Variants in VPS52 observed in about 807,000 individuals in gnomAD.
The protein encoded by VPS52 is VPS52 subunit of GARP complex, also known as vacuolar protein sorting-associated protein 52 homolog.
Under a neutral mutation model 98.7 loss-of-function variants are expected in VPS52, and 56 were observed. That is an observed-to-expected ratio of 0.57 (90% CI 0.46 to 0.71). VPS52 has a LOEUF of 0.71. Ranked by LOEUF, VPS52 falls within the 30% of genes least tolerant of loss-of-function variation. The pLI is 0.00. For missense variants in VPS52, 742 were observed against 925.9 expected (o/e 0.80, Z 2.58); for synonymous variants, 348 against 346.4 (o/e 1.00, Z -0.05).
At chr6:33,259,610 A>G (rs570878294) in intron 17 of VPS52, among the ~76,000 whole-genome samples, 1 of 152,296 alleles carries the variant, frequency 6.6e-6, no homozygotes, top group South Asian at 2.1e-4. Flanking sequence ...GAGTATCAAC[A>G]TGATGCTCAA....
chr6:33,251,413 T>C, intron 19 of VPS52, 105 bp downstream of exon 19: 1 of 766,298 alleles, frequency 1.3e-6, no homozygotes, highest in South Asian at 1.7e-5. Context: ...GCACAGCTAG[T>C]AACTGAAGAC....
chr6:33,266,139 C>T (rs796519491), intron 12 of VPS52, among the ~76,000 whole-genome samples: 66 of 149,318 alleles, frequency 4.4e-4, no homozygotes, highest in African/African-American at 1.5e-3. Flanking sequence ...GGATTACAGG[C>T]GTAAGCCACT....
intron 17 of VPS52, among the ~76,000 whole-genome samples, chr6:33,255,794 TA>T (rs35038222): frequency 0.12 from 12,208 of 97,940 alleles, 651 homozygotes; most frequent in South Asian, 0.21. Context: ...AGACTCTGTC[TA>T]AAAAAAAAAA....
rs1316767971 is a variant in VPS52 at position 33,250,782 on chromosome 6, G to A, written c.*59C>T. 2.8e-5 allele frequency: 44 copies of A among 1,582,956 alleles called. No homozygotes were observed. Among genetic ancestry groups the A allele is most frequent in the Non-Finnish European group, 3.8e-5 (44 of 1,161,708 alleles). On this transcript the variant is annotated 3_prime_UTR_variant, in exon 20 of 20. Transcript: ENST00000445902. ...GGTACCCCAGGTGAAGAAGGGTATGGAATGGGGTGCAGAAGTCCATGGAGA... is the reference window on the plus strand; with the variant it reads ...GGTACCCCAGGTGAAGAAGGGTATGAAATGGGGTGCAGAAGTCCATGGAGA...
Position 33,264,357 on chromosome 6 carries a change from C to T in VPS52, c.1524+17G>A. On this transcript the variant is annotated intron_variant, in intron 14 of 19. Transcript: ENST00000445902. ...CCTGCCTTTCAAGAACCCTTTGTTACCCTTGCCCTCCCTCACATAGTGGGG... is the reference window on the plus strand; with the variant it reads ...CCTGCCTTTCAAGAACCCTTTGTTATCCTTGCCCTCCCTCACATAGTGGGG... 2 of 1,613,298 alleles carry T rather than the reference C, an allele frequency of 1.2e-6. No homozygotes were observed. The highest frequency in any genetic ancestry group is 8.5e-7 in the Non-Finnish European group (1 of 1,179,576).
chr6:33,261,051 C>T (rs965120223), intron 17 of VPS52, among the ~76,000 whole-genome samples: 2 of 151,688 alleles, frequency 1.3e-5, no homozygotes, highest in Non-Finnish European at 2.9e-5. Context: ...TAATTCAAGA[C>T]CAGCCCAGGC....
At chr6:33,252,195 A>G (rs781526766) in intron 17 of VPS52, among the ~76,000 whole-genome samples, 1 of 152,230 alleles carries the variant, frequency 6.6e-6, no homozygotes, top group Non-Finnish European at 1.5e-5. Flanking sequence ...GACACAAAAG[A>G]AGGGCAGCTA....
chr6:33,253,445 G>A (rs1188110624), intron 17 of VPS52, among the ~76,000 whole-genome samples: 5 of 150,756 alleles, frequency 3.3e-5, no homozygotes, highest in East Asian at 1.9e-4. Context: ...TGCCAAGATC[G>A]GGCCATTGCA....
chr6:33,267,161 G>C lies in VPS52; in HGVS notation c.1125+27C>G. Reference sequence around the variant, plus strand: ...CCCCACCGTGCTCAGAGCCTCTTTCGTGACTGAAGCTTGTTCCTCCTCATA... The same window carrying C: ...CCCCACCGTGCTCAGAGCCTCTTTCCTGACTGAAGCTTGTTCCTCCTCATA... On this transcript the variant is annotated intron_variant, in intron 11 of 19. Transcript: ENST00000445902. This position sits in a 1 kb window ranked among gnomAD's most constrained non-coding sequence, Gnocchi z 4.2. 2 of 1,464,096 alleles carry C rather than the reference G, an allele frequency of 1.4e-6. No individual in the cohort carries two copies. The highest frequency in any genetic ancestry group is 1.8e-6 in the Non-Finnish European group (2 of 1,105,816). The allele number at this position is 1,464,096 out of a possible 1,614,324, so 90.7% of individuals were successfully genotyped here.
chr6:33,269,453 G>T, intron 5 of VPS52, 37 bp downstream of exon 5: 1 of 1,611,968 alleles, frequency 6.2e-7, no homozygotes, highest in South Asian at 1.1e-5. Flanking sequence ...ATCTGGTTCA[G>T]AGTAGCTATT....
rs377264495 is a variant in VPS52, at chr6:33,267,200, G to A, written c.1113C>T (p.Arg371=). 76 of 1,556,444 alleles carry A rather than the reference G, an allele frequency of 4.9e-5. 7 individuals carry two copies. The highest frequency in any genetic ancestry group is 1.6e-4 in the East Asian group (7 of 43,454). Residue 371 remains arginine, a synonymous_variant, in exon 11 of 20, where the codon CGC becomes CGT. Coordinates refer to ENST00000445902, the MANE Select transcript of VPS52 (RefSeq NM_022553.6). The surrounding 1 kb of genome is among the most constrained non-coding windows in gnomAD (Gnocchi z 4.2). ...APILVPHTAQ[R]GEQRYPFEAL... ...TTCCTCCTCATACCCTCTGCTCTCC[G>A]CGCTGCGCTGTGTGAGGCACCAGGA...
In VPS52 at chr6:33,269,202, T is replaced by C. The variant is rs539698603; in HGVS notation, c.373-13A>G. 2.5e-6 allele frequency: 4 copies of C among 1,612,612 alleles called. No individual in the cohort carries two copies. Among genetic ancestry groups the C allele is most frequent in the East Asian group, 4.5e-5 (2 of 44,876 alleles). ...TCTGCTCCATTCGCTGTAGGGAGGG[T>C]AGATGTTGCCGGAGTGCTATAGGGT... On this transcript the variant is annotated splice_polypyrimidine_tract_variant and intron_variant, in intron 5 of 19. Transcript: ENST00000445902.
At chr6:33,254,082 T>G (rs2150793515) in intron 17 of VPS52, among the ~76,000 whole-genome samples, 1 of 152,096 alleles carries the variant, frequency 6.6e-6, no homozygotes, top group South Asian at 2.1e-4. Context: ...AAGAAGAAAG[T>G]GAAATTATTA....
rs1764469084 is a variant in VPS52, at chr6:33,267,413, C to G, written c.992-92G>C. On this transcript the variant is annotated intron_variant, in intron 10 of 19. Transcript: ENST00000445902. This position sits in a 1 kb window ranked among gnomAD's most constrained non-coding sequence, Gnocchi z 4.2. ...GGGACCCCAGACAGGCAGACGTGGCCTAGCCAGCCCTCTTTCCCAGTACTA... is the reference window on the plus strand; with the variant it reads ...GGGACCCCAGACAGGCAGACGTGGCGTAGCCAGCCCTCTTTCCCAGTACTA... 6.6e-7 allele frequency: 1 copy of G among 1,504,096 alleles called. No homozygotes were observed. Among genetic ancestry groups the G allele is most frequent in the Admixed American group, 2.3e-5 (1 of 42,682 alleles). 93.2% of individuals were successfully genotyped at this position (1,504,096 alleles called of 1,614,324 possible). A position where few individuals can be genotyped will look rare whatever the true frequency, so the allele number is the denominator to read the frequency against.
At chr6:33,261,655 G>T (rs1357900347) in intron 17 of VPS52, among the ~76,000 whole-genome samples, 1 of 152,128 alleles carries the variant, frequency 6.6e-6, no homozygotes, top group African/African-American at 2.4e-5. Context: ...AAATCTCCAA[G>T]ACACGGGTCT....
intron 17 of VPS52, among the ~76,000 whole-genome samples, chr6:33,257,681 G>A (rs1196685238): frequency 6.6e-6 from 1 of 152,214 alleles, no homozygotes; most frequent in Non-Finnish European, 1.5e-5. Flanking sequence ...TTACAGGCGT[G>A]AGCCACCACA....
intron 17 of VPS52, among the ~76,000 whole-genome samples, chr6:33,255,791 G>T (rs1240600115): frequency 7.6e-6 from 1 of 130,788 alleles, no homozygotes; most frequent in African/African-American, 2.8e-5. Context: ...GGGAGACTCT[G>T]TCTAAAAAAA....
In VPS52 at chr6:33,267,078, G is replaced by T; in HGVS notation, c.1125+110C>A. ...TGGAGAAGGCCACTCCCAAGTCTAA[G>T]GGGATTAAGACAGGGCCTGCAGGTT... On this transcript the variant is annotated intron_variant, in intron 11 of 19. Coordinates refer to ENST00000445902, the MANE Select transcript of VPS52 (RefSeq NM_022553.6). This position sits in a 1 kb window ranked among gnomAD's most constrained non-coding sequence, Gnocchi z 4.2. The T allele has an allele frequency of 7.2e-7, 1 of 1,393,012 alleles. No individual in the cohort carries two copies. Among genetic ancestry groups the T allele is most frequent in the Non-Finnish European group, 9.5e-7 (1 of 1,056,950 alleles). 86.3% of individuals were successfully genotyped at this position (1,393,012 alleles called of 1,614,324 possible). A position where few individuals can be genotyped will look rare whatever the true frequency, so the allele number is the denominator to read the frequency against.
chr6:33,256,840 TAA>T (rs534430706), intron 17 of VPS52, among the ~76,000 whole-genome samples: 9 of 91,676 alleles, frequency 9.8e-5, no homozygotes, highest in Non-Finnish European at 1.4e-4. Flanking sequence ...AGACTCTGTC[TAA>T]AAAAAAAAAA....
Sources: allele counts gnomAD v4.1 joint callset (sites outside exome capture counted in the v4.1 genomes callset), GRCh38; gene constraint gnomAD v4.1.1; non-coding constraint Gnocchi (gnomAD v3.1); transcripts MANE v1.5; gene names NCBI Gene and HGNC (gene_info 2026-07-23, HGNC 2026-07-21).